The following NAV2 variants were observed in gnomAD, a reference collection of about 807,000 sequenced individuals.
The protein encoded by NAV2 is neuron navigator 2.
In NAV2, 54 loss-of-function variants were observed where a neutral mutation model predicts 223.2. The ratio of observed to expected loss-of-function variants is 0.24; its 90% CI spans 0.19 to 0.30. The LOEUF is 0.30. Among genes scored for constraint, NAV2 ranks in the 10% least tolerant of loss-of-function variants. NAV2 has a pLI of 1.00. For synonymous variants in NAV2, 1,279 were observed against 1,239.3 expected, an observed-to-expected ratio of 1.03 and a Z score of -0.67; for missense variants, 2,806 against 3,147.5, an observed-to-expected ratio of 0.89 and a Z score of 2.60.
rs1211138404 is a variant in NAV2, at chr11:19,827,981, G to A, written c.268-4503G>A. On this transcript the variant is annotated intron_variant, in intron 1 of 37. Coordinates refer to ENST00000349880, the MANE Select transcript of NAV2 (RefSeq NM_145117.5). ...ACCAAGGGGAGGAAGGGGAGGGTGGGGAGGGAATCAACAATGAGCTGGGCG... is the reference window on the plus strand; with the variant it reads ...ACCAAGGGGAGGAAGGGGAGGGTGGAGAGGGAATCAACAATGAGCTGGGCG... 2.6e-5 allele frequency among the ~76,000 whole-genome samples: 4 copies of A among 151,154 alleles called. No homozygotes were observed. In the South Asian group the frequency reaches 8.4e-4, roughly 32 times the overall value.
At chr11:19,942,350 C>T (rs551031734) in intron 8 of NAV2, among the ~76,000 whole-genome samples, 6 of 152,246 alleles carry the variant, frequency 3.9e-5, no homozygotes, top group Non-Finnish European at 7.4e-5. Context: ...TTTCCCAGCA[C>T]GACCCACAAG....
At chr11:19,719,322 A>AT (rs1207625469) in intron 1 of NAV2, among the ~76,000 whole-genome samples, 2 of 152,176 alleles carry the variant, frequency 1.3e-5, no homozygotes, top group Admixed American at 6.5e-5. Flanking sequence ...CGGTCTGTGC[A>AT]TTTTTTGTGA....
At chr11:19,849,876 T>G (rs1485062125) in intron 3 of NAV2, among the ~76,000 whole-genome samples, 1 of 152,214 alleles carries the variant, frequency 6.6e-6, no homozygotes, top group Admixed American at 6.5e-5. Flanking sequence ...TCGTTCATTG[T>G]CTTTCAAAGG....
intron 1 of NAV2, among the ~76,000 whole-genome samples, chr11:19,603,634 A>AAAAAAAAG (rs1217522296): frequency 2.7e-5 from 4 of 146,462 alleles, no homozygotes; most frequent in Admixed American, 1.3e-4. Context: ...TCCATCTCAA[A>AAAAAAAAG]AAAAAAAAAA....
intron 1 of NAV2, among the ~76,000 whole-genome samples, chr11:19,680,476 G>A (rs1456969898): frequency 1.3e-5 from 2 of 152,186 alleles, no homozygotes; most frequent in Non-Finnish European, 1.5e-5. Context: ...GGCCAGTAGG[G>A]CTGAATGAGT....
chr11:19,982,456 A>G (rs1183160517), intron 10 of NAV2, among the ~76,000 whole-genome samples: 1 of 152,184 alleles, frequency 6.6e-6, no homozygotes, highest in Non-Finnish European at 1.5e-5. Flanking sequence ...ATTTTAAAGC[A>G]TACAATTTGA....
At chr11:19,876,434 A>G (rs2062834702) in intron 4 of NAV2, among the ~76,000 whole-genome samples, 1 of 152,228 alleles carries the variant, frequency 6.6e-6, no homozygotes, top group African/African-American at 2.4e-5. Context: ...GAGAGATTGA[A>G]TCCTGTAAAA....
At chr11:19,824,903 C>T (rs1209470211) in intron 1 of NAV2, among the ~76,000 whole-genome samples, 1 of 152,168 alleles carries the variant, frequency 6.6e-6, no homozygotes, top group Non-Finnish European at 1.5e-5. Flanking sequence ...TGTTCAAGGA[C>T]AGAATGAACA....
chr11:20,084,523 G>A (rs1470089516), intron 26 of NAV2, among the ~76,000 whole-genome samples: 1 of 152,192 alleles, frequency 6.6e-6, no homozygotes, highest in Non-Finnish European at 1.5e-5. Flanking sequence ...GGTAGCCACA[G>A]GGGTGTGTAC....
intron 1 of NAV2, among the ~76,000 whole-genome samples, chr11:19,407,352 T>C (rs1849942807): frequency 6.6e-6 from 1 of 152,046 alleles, no homozygotes; most frequent in African/African-American, 2.4e-5. Flanking sequence ...GCCAACTTAA[T>C]GGTGGTCAGA....
intron 1 of NAV2, among the ~76,000 whole-genome samples, chr11:19,484,142 A>ACACACACC (rs1444050268): frequency 3.3e-5 from 5 of 151,328 alleles, no homozygotes; most frequent in Non-Finnish European, 7.4e-5. Flanking sequence ...ACACACACAC[A>ACACACACC]CACACACACA....
chr11:20,042,583 G>A (rs1430333061), intron 12 of NAV2, among the ~76,000 whole-genome samples: 1 of 152,152 alleles, frequency 6.6e-6, no homozygotes, highest in Admixed American at 6.5e-5. Flanking sequence ...TTGGGGTGGT[G>A]TTGGGGAGGC....
chr11:19,776,608 G>GTGT (rs139486266), intron 1 of NAV2, among the ~76,000 whole-genome samples: 4 of 106,092 alleles, frequency 3.8e-5, no homozygotes, highest in African/African-American at 6.6e-5. Context: ...GTGTGTGTGT[G>GTGT]GTTAGAGTTG....
intron 1 of NAV2, among the ~76,000 whole-genome samples, chr11:19,557,125 T>C (rs2044921022): frequency 6.6e-6 from 1 of 152,208 alleles, no homozygotes. Context: ...GCTTATTAGA[T>C]CACTGGATGA....
At chr11:19,517,021 G>A (rs1439713391) in intron 1 of NAV2, among the ~76,000 whole-genome samples, 3 of 150,814 alleles carry the variant, frequency 2.0e-5, no homozygotes, top group Non-Finnish European at 4.4e-5. Context: ...ACCAGACCAG[G>A]CAACATAGCA....
At chr11:19,715,964 C>G (rs1371022407) in intron 1 of NAV2, among the ~76,000 whole-genome samples, 1 of 152,200 alleles carries the variant, frequency 6.6e-6, no homozygotes, top group Non-Finnish European at 1.5e-5. Flanking sequence ...AGATCCCTGT[C>G]TGCACAGCTG....
chr11:19,711,187 C>A (rs1482931638), upstream of NAV2: 1 of 152,126 alleles, frequency 6.6e-6, no homozygotes. Context: ...TAAGAAGGTG[C>A]CTTCTCATTT....
chr11:19,958,519 A>C (rs1473560220), intron 10 of NAV2, among the ~76,000 whole-genome samples: 1 of 152,116 alleles, frequency 6.6e-6, no homozygotes, highest in East Asian at 1.9e-4. Context: ...GTGGAGTTTG[A>C]CCTGCAGTCC....
At chr11:19,779,336 G>T (rs533958422) in intron 1 of NAV2, among the ~76,000 whole-genome samples, 5 of 152,348 alleles carry the variant, frequency 3.3e-5, no homozygotes, top group Admixed American at 6.5e-5. Context: ...GAAGAGGCAT[G>T]ACTGGGTCTT....
Sources: gnomAD v4.1 joint callset for allele counts (sites outside exome capture counted in the v4.1 genomes callset) on GRCh38, gnomAD v4.1.1 for gene constraint, MANE v1.5 for transcripts, NCBI Gene and HGNC (gene_info 2026-07-23, HGNC 2026-07-21) for gene names.